CSMD1: variants seen among roughly 807,000 people sequenced by gnomAD.
The protein encoded by CSMD1 is CUB and sushi domain-containing protein 1.
A neutral mutation model predicts 417.5 loss-of-function variants in CSMD1; 213 were observed. That is an observed-to-expected ratio of 0.51 (90% CI 0.46 to 0.57). The LOEUF (loss-of-function observed/expected upper bound fraction) is 0.57. Among genes scored for constraint, CSMD1 ranks in the 20% least tolerant of loss-of-function variants. CSMD1 has a pLI of 0.00. For missense variants in CSMD1, 6,923 were observed against 4,529.7 expected (o/e 1.53, Z -15.17); for synonymous variants, 2,862 against 1,736.8 (o/e 1.65, Z -16.11).
intron 3 of CSMD1, among the ~76,000 whole-genome samples, chr8:4,036,818 A>C (rs1023739591): frequency 1.3e-5 from 2 of 152,256 alleles, no homozygotes; most frequent in African/African-American, 4.8e-5. Context: ...AAATAAATAG[A>C]TTCCTGACCA....
chr8:3,087,642 G>A (rs1044325073), intron 48 of CSMD1, among the ~76,000 whole-genome samples: 3 of 152,218 alleles, frequency 2.0e-5, no homozygotes, highest in African/African-American at 4.8e-5. Flanking sequence ...TAGCTAAGGA[G>A]CTATAAAAGA....
intron 3 of CSMD1, among the ~76,000 whole-genome samples, chr8:4,170,937 T>C (rs1356218940): frequency 2.6e-5 from 4 of 151,888 alleles, no homozygotes; most frequent in Admixed American, 1.3e-4. Flanking sequence ...GTACAAGCTG[T>C]GTTACGCAAA....
chr8:4,587,266 C>T (rs1354826681), intron 2 of CSMD1, among the ~76,000 whole-genome samples: 1 of 152,084 alleles, frequency 6.6e-6, no homozygotes, highest in Non-Finnish European at 1.5e-5. Context: ...GTACTGGGAA[C>T]TGATGCATAG....
chr8:3,717,409 T>A (rs912952379), intron 6 of CSMD1, among the ~76,000 whole-genome samples: 1 of 143,126 alleles, frequency 7.0e-6, no homozygotes, highest in African/African-American at 2.5e-5. Flanking sequence ...AATTTTGTTT[T>A]TCTTTTCCAT....
intron 1 of CSMD1, among the ~76,000 whole-genome samples, chr8:4,670,675 C>T (rs1158118302): frequency 1.3e-5 from 2 of 152,090 alleles, no homozygotes; most frequent in Non-Finnish European, 2.9e-5. Flanking sequence ...CCAAATATTA[C>T]TATGATAGGT....
intron 3 of CSMD1, among the ~76,000 whole-genome samples, chr8:4,354,818 C>G (rs1483540967): frequency 6.7e-6 from 1 of 149,108 alleles, no homozygotes. Context: ...TAGTATTATA[C>G]CTGGTTTCTG....
At chr8:3,691,298 CG>C (rs1170305731) in intron 7 of CSMD1, among the ~76,000 whole-genome samples, 3 of 151,326 alleles carry the variant, frequency 2.0e-5, no homozygotes, top group African/African-American at 7.3e-5. Context: ...CCCTGGGAGG[CG>C]GAGGTTGCAG....
chr8:4,012,975 C>A (rs915593157), intron 4 of CSMD1, among the ~76,000 whole-genome samples: 20 of 152,146 alleles, frequency 1.3e-4, no homozygotes, highest in African/African-American at 4.8e-4. Context: ...CTCCTGTCAT[C>A]TCTCAAGTAA....
chr8:3,139,707 ATGTGTG>A (rs896356696), intron 41 of CSMD1, among the ~76,000 whole-genome samples: 1 of 151,986 alleles, frequency 6.6e-6, no homozygotes, highest in African/African-American at 2.4e-5. Context: ...GTACGTGTGT[ATGTGTG>A]TGTGTCGATG....
chr8:3,758,794 G>A (rs541009098), intron 5 of CSMD1, among the ~76,000 whole-genome samples: 1 of 152,162 alleles, frequency 6.6e-6, no homozygotes, highest in Non-Finnish European at 1.5e-5. Flanking sequence ...TGGCTCATGA[G>A]GACTTTGCAG....
At chr8:3,664,217 G>A (rs984367960) in intron 7 of CSMD1, among the ~76,000 whole-genome samples, 1 of 152,090 alleles carries the variant, frequency 6.6e-6, no homozygotes, top group African/African-American at 2.4e-5. Context: ...TGTGTGTGAT[G>A]TTCCCCCACT....
chr8:4,216,026 C>T (rs753227945), intron 3 of CSMD1, among the ~76,000 whole-genome samples: 1 of 152,192 alleles, frequency 6.6e-6, no homozygotes, highest in African/African-American at 2.4e-5. Flanking sequence ...AGTCCTCTAA[C>T]TTCCTGACAG....
At chr8:4,110,217 A>G (rs981737844) in intron 3 of CSMD1, among the ~76,000 whole-genome samples, 2 of 152,194 alleles carry the variant, frequency 1.3e-5, no homozygotes, top group African/African-American at 4.8e-5. Context: ...GAGAATATAG[A>G]TATGAAATAA....
chr8:4,007,099 A>C (rs1026870218), intron 4 of CSMD1, among the ~76,000 whole-genome samples: 1 of 151,852 alleles, frequency 6.6e-6, no homozygotes, highest in Non-Finnish European at 1.5e-5. Context: ...CGGCCTCCCA[A>C]AGTTTTGGTA....
intron 5 of CSMD1, among the ~76,000 whole-genome samples, chr8:3,875,653 T>A (rs1178109363): frequency 6.6e-6 from 1 of 151,898 alleles, no homozygotes; most frequent in African/African-American, 2.4e-5. Flanking sequence ...AGCATGGAAG[T>A]GGGTGGTGAA....
At chr8:3,608,872 T>C (rs929267414) in intron 8 of CSMD1, among the ~76,000 whole-genome samples, 1 of 152,036 alleles carries the variant, frequency 6.6e-6, no homozygotes, top group African/African-American at 2.4e-5. Context: ...CAGTGATCAA[T>C]TAAACCAAGA....
At chr8:3,266,998 A>G (rs914455176) in intron 26 of CSMD1, among the ~76,000 whole-genome samples, 1 of 152,202 alleles carries the variant, frequency 6.6e-6, no homozygotes, top group Admixed American at 6.5e-5. Context: ...GCTGACACTC[A>G]TATGTGAACG....
At chr8:2,965,285 C>T (rs938525478) in intron 59 of CSMD1, among the ~76,000 whole-genome samples, 3 of 152,138 alleles carry the variant, frequency 2.0e-5, no homozygotes, top group Admixed American at 6.6e-5. Context: ...CCTGCCTTCT[C>T]GGCCAGTGTC....
intron 3 of CSMD1, among the ~76,000 whole-genome samples, chr8:4,363,424 A>C (rs951240909): frequency 3.3e-5 from 5 of 152,314 alleles, no homozygotes; most frequent in African/African-American, 9.6e-5. Context: ...CCAGGATTTT[A>C]TTCCTGCTCC....
Sources: gnomAD v4.1 joint callset for allele counts (sites outside exome capture counted in the v4.1 genomes callset) on GRCh38, gnomAD v4.1.1 for gene constraint, MANE v1.5 for transcripts, NCBI Gene and HGNC (gene_info 2026-07-23, HGNC 2026-07-21) for gene names.